The following CFAP65 variants were observed in gnomAD, a reference collection of about 807,000 sequenced individuals.
The protein encoded by CFAP65 is cilia- and flagella-associated protein 65.
In CFAP65, 155 loss-of-function variants were observed where a neutral mutation model predicts 208.0. The observed-to-expected ratio is 0.75, with a 90% CI of 0.65 to 0.85. CFAP65 has a LOEUF of 0.85. CFAP65 is among the 40% of genes least tolerant of loss of function. The pLI, the probability that CFAP65 is intolerant of heterozygous loss-of-function variation, is 0.00. For synonymous variants in CFAP65, 970 were observed against 986.3 expected, an observed-to-expected ratio of 0.98 and a Z score of 0.31; for missense variants, 2,294 against 2,451.3, an observed-to-expected ratio of 0.94 and a Z score of 1.36.
intron 14 of CFAP65, 127 bp downstream of exon 14, chr2:219,025,895 G>T: frequency 8.3e-7 from 1 of 1,198,490 alleles, no homozygotes; most frequent in Non-Finnish European, 1.2e-6. Flanking sequence ...AGCGGACGTG[G>T]GGACAGCCAG....
rs374849814 is a variant in CFAP65 at position 219,035,462 on chromosome 2, G to A, written c.542+18C>T. 150 of 1,613,994 alleles carry A rather than the reference G, an allele frequency of 9.3e-5. No homozygotes were observed. The highest frequency in any genetic ancestry group is 1.6e-4 in the Middle Eastern group (1 of 6,084). On this transcript the variant is annotated intron_variant, in intron 5 of 34. Transcript: ENST00000341552. ...CTCAAGGCTGTGGCACTGGGTCCTT[G>A]ATCCCTTATACTGGTACCTGTACTT... is the stretch of plus-strand genomic sequence containing the variant.
chr2:219,020,400 T>C (rs1947196063), intron 19 of CFAP65, among the ~76,000 whole-genome samples: 1 of 152,162 alleles, frequency 6.6e-6, no homozygotes. Context: ...ATTTTTGAGA[T>C]AGGGTCTCAC....
chr2:219,027,755 G>C lies in CFAP65; in HGVS notation c.2106C>G (p.Ser702Arg), dbSNP rs1276072685. Residue 702 changes from serine (S) to arginine (R), a missense_variant, in exon 13 of 35, where the codon AGC becomes AGG. Physicochemically the swap from Ser to Arg is moderately radical, Grantham distance 110. Around this residue, in one of 2 missense-constraint regions of CFAP65, gnomAD observed 867 missense variants for 1,012.6 expected, o/e 0.86. Transcript: ENST00000341552. ...SDCPFWVTPE[S>R]CDVPPLKSMA... Reference sequence around the variant, plus strand: ...TGGACTTGAGTGGGGGCACGTCGCAGCTCTCTGGAGTCACCCAGAAGGGGC... The same window carrying C: ...TGGACTTGAGTGGGGGCACGTCGCACCTCTCTGGAGTCACCCAGAAGGGGC... 2 of 1,614,006 alleles carry C rather than the reference G, an allele frequency of 1.2e-6. No individual in the cohort carries two copies. Among genetic ancestry groups the C allele is most frequent in the Non-Finnish European group, 1.7e-6 (2 of 1,180,036 alleles).
chr2:219,016,289 C>CTTTTTTT (rs5838714), intron 21 of CFAP65, among the ~76,000 whole-genome samples: 9 of 85,574 alleles, frequency 1.1e-4, no homozygotes, highest in East Asian at 7.8e-4. Context: ...AGTCTCCCTC[C>CTTTTTTT]TTTTTTTTTT....
At position 219,028,278 on chromosome 2, in the gene CFAP65, G is replaced by C. The variant is rs752543705; in HGVS notation, c.1774C>G (p.Pro592Ala). The change falls in exon 12 of 35, where the codon CCT (proline) becomes GCT (alanine). Residue 592 changes from proline (P) to alanine (A), a missense_variant. By Grantham distance (27) the Pro-to-Ala change is conservative. Coordinates refer to ENST00000341552, the MANE Select transcript of CFAP65 (RefSeq NM_194302.4). ...TTCAGCATGGCATCCAGGATGTCAG[G>C]GGGGTAGAGCGTCAGGCCCCGGGCC... Reference protein sequence around the residue: ...HLARGLTLYPPDILDAMLKEK... With the variant: ...HLARGLTLYPADILDAMLKEK... The C allele has an allele frequency of 1.9e-6, 3 of 1,614,148 alleles. No homozygotes were observed. Among genetic ancestry groups the C allele is most frequent in the Middle Eastern group, 3.3e-4 (2 of 6,060 alleles).
At chr2:219,033,029 TG>T (rs1367025241) in intron 5 of CFAP65, among the ~76,000 whole-genome samples, 1 of 152,096 alleles carries the variant, frequency 6.6e-6, no homozygotes, top group African/African-American at 2.4e-5. Flanking sequence ...ACAATGACAT[TG>T]TCAGCAACTT....
Position 219,003,791 on chromosome 2 carries a change from A to G in CFAP65, c.5555+161T>C, listed in dbSNP as rs1945747026. ...AAAGTTCAGTGTTGGTGCCGGGCGGATACTCCCACAGAGGCCTTAAGCTAC... is the reference window on the plus strand; with the variant it reads ...AAAGTTCAGTGTTGGTGCCGGGCGGGTACTCCCACAGAGGCCTTAAGCTAC... On this transcript the variant is annotated intron_variant, in intron 33 of 34. Transcript: ENST00000341552. The surrounding 1 kb of genome is among the most constrained non-coding windows in gnomAD (Gnocchi z 4.4). Among the ~76,000 whole-genome samples the G allele has an allele frequency of 6.6e-6, 1 of 152,208 alleles. No individual in the cohort carries two copies. The highest frequency in any genetic ancestry group is 2.4e-5 in the African/African-American group (1 of 41,452).
chr2:219,020,273 C>T (rs1000273905), intron 19 of CFAP65, among the ~76,000 whole-genome samples: 1 of 152,200 alleles, frequency 6.6e-6, no homozygotes, highest in African/African-American at 2.4e-5. Flanking sequence ...GCCTCTTTCA[C>T]TTAGCATAAT....
Position 219,009,333 on chromosome 2 carries a change from G to A in CFAP65, c.4566+14C>T, listed in dbSNP as rs1356567468. 2 of 1,597,742 alleles carry A rather than the reference G, an allele frequency of 1.3e-6. No homozygotes were observed. The highest frequency in any genetic ancestry group is 1.3e-5 in the African/African-American group (1 of 74,590). On this transcript the variant is annotated intron_variant, in intron 28 of 34. Coordinates refer to ENST00000341552, the MANE Select transcript of CFAP65 (RefSeq NM_194302.4). ...ATGCCTCCATCCCACTTTACCCCTG[G>A]GGCTGGTTCCTACCTTGCATACCAG...
In CFAP65 at chr2:219,021,842, G is replaced by A; in HGVS notation, c.3068C>T (p.Thr1023Ile). ...FLVLLNDGNC[T>I]LYYRLYLEQG... ...CTCCAGGTAGAGGCGGTAATAGAGG[G>A]TGCAGTTGCCGTCATTCAGGAGGAC... Residue 1023 changes from threonine to isoleucine, a missense_variant, in exon 18 of 35, where the codon ACC (threonine) becomes ATC (isoleucine). Transcript: ENST00000341552. The A allele has an allele frequency of 1.2e-6, 2 of 1,613,820 alleles. No individual in the cohort carries two copies. The highest frequency in any genetic ancestry group is 1.7e-6 in the Non-Finnish European group (2 of 1,180,010).
rs1174828538 is a variant in CFAP65 at position 219,025,622 on chromosome 2, G to T, written c.2349+400C>A. Among the ~76,000 whole-genome samples the T allele has an allele frequency of 3.3e-5, 5 of 152,276 alleles. No homozygotes were observed. In the East Asian group the frequency reaches 9.7e-4, roughly 29 times the overall value. Reference sequence around the variant, plus strand: ...CTGGCTCTGCCTCTCATAGGGCAGGGTGCTTCCCAAAGGCAGGGGCTGCTG... The same window carrying T: ...CTGGCTCTGCCTCTCATAGGGCAGGTTGCTTCCCAAAGGCAGGGGCTGCTG... On this transcript the variant is annotated intron_variant, in intron 14 of 34. Transcript: ENST00000341552.
chr2:219,003,808 T>G lies in CFAP65; in HGVS notation c.5555+144A>C. The G allele has an allele frequency of 1.0e-6, 1 of 986,146 alleles. No individual in the cohort carries two copies. The highest frequency in any genetic ancestry group is 1.5e-6 in the Non-Finnish European group (1 of 664,114). The allele number at this position is 986,146 out of a possible 1,614,324, so 61.1% of individuals were successfully genotyped here. A position where few individuals can be genotyped will look rare whatever the true frequency, so the allele number is the denominator to read the frequency against. ...CCGGGCGGATACTCCCACAGAGGCC[T>G]TAAGCTACCAACATGACCTCACTAA... On this transcript the variant is annotated intron_variant, in intron 33 of 34. Coordinates refer to ENST00000341552, the MANE Select transcript of CFAP65 (RefSeq NM_194302.4). The surrounding 1 kb of genome is among the most constrained non-coding windows in gnomAD (Gnocchi z 4.4).
Position 219,038,922 on chromosome 2 carries a change from G to C in CFAP65, c.127C>G (p.Gln43Glu), listed in dbSNP as rs1466047134. 1.2e-6 allele frequency: 2 copies of C among 1,611,904 alleles called. No individual in the cohort carries two copies. Among genetic ancestry groups the C allele is most frequent in the Non-Finnish European group, 8.5e-7 (1 of 1,179,118 alleles). The part of the protein sequence containing the change: ...LLRGKSVQKK[Q>E]AESKSQIKLH... The stretch of plus-strand genomic sequence containing the variant: ...TTTATCTGGCTTTTACTCTCTGCTT[G>C]TTTCTTCTGAACACTCTTGCCTCTT... The change falls in exon 3 of 35, where the codon CAA (glutamine) becomes GAA (glutamate). Residue 43 changes from glutamine (Q) to glutamate (E), a missense_variant. Gln to Glu is a conservative substitution (Grantham distance 29). Transcript: ENST00000341552.
chr2:219,006,833 C>CAA (rs752764154), intron 29 of CFAP65, among the ~76,000 whole-genome samples: 1,067 of 76,364 alleles, frequency 0.014, 15 homozygotes, highest in African/African-American at 0.029. Context: ...GACTCTGTCT[C>CAA]AAAAAAAAAA....
At position 219,031,425 on chromosome 2, in the gene CFAP65, C is replaced by T. The variant is rs1287410972; in HGVS notation, c.815+64G>A. On this transcript the variant is annotated intron_variant, in intron 7 of 34. Coordinates refer to ENST00000341552, the MANE Select transcript of CFAP65 (RefSeq NM_194302.4). This position sits in a 1 kb window ranked among gnomAD's most constrained non-coding sequence, Gnocchi z 5.2. ...CCCCGACAAGGGTATGCCTGTCTCT[C>T]CTGCTTCCAGACACCCTCCTCACAG... 1.9e-5 allele frequency: 30 copies of T among 1,607,534 alleles called. No individual in the cohort carries two copies.
rs745648300 is a variant in CFAP65, at chr2:219,029,981, G to A, written c.1384+5C>T. ...CCCAGGGGAGGCCCCTGGGGTCACC[G>A]GTACCTCTACAGAAACCAACGACTT... On this transcript the variant is annotated splice_donor_5th_base_variant and intron_variant, in intron 10 of 34. Transcript: ENST00000341552. The A allele has an allele frequency of 3.7e-6, 6 of 1,613,334 alleles. No homozygotes were observed. The highest frequency in any genetic ancestry group is 2.2e-5 in the East Asian group (1 of 44,822).
In CFAP65 at chr2:219,019,460, A is replaced by G. The variant is rs528434653; in HGVS notation, c.3473+46T>C. The stretch of plus-strand genomic sequence containing the variant: ...CAGAAAGCTCCATGAACATCCCTAG[A>G]TAGGCCCTGCCCCCAGCCCCCACCC... On this transcript the variant is annotated intron_variant, in intron 20 of 34. Transcript: ENST00000341552. 2.7e-6 allele frequency: 4 copies of G among 1,505,992 alleles called. No individual in the cohort carries two copies. In the African/African-American group the frequency reaches 5.5e-5, roughly 21 times the overall value. The allele number at this position is 1,505,992 out of a possible 1,614,324, so 93.3% of individuals were successfully genotyped here.
rs1329488462 is a variant in CFAP65 at position 219,022,180 on chromosome 2, G to A, written c.2970C>T (p.Ser990=). The change falls in exon 17 of 35, where the codon AGC becomes AGT. Residue 990 remains serine, a synonymous_variant. Coordinates refer to ENST00000341552, the MANE Select transcript of CFAP65 (RefSeq NM_194302.4). The part of the protein sequence containing the change: ...MLRLVGVGLT[S]SLSAKEKELA... ...GAGCCCTCCCACTCACAGAGAGGCTGCTGGTGAGCCCAACGCCCACCAGCC... is the reference window on the plus strand; with the variant it reads ...GAGCCCTCCCACTCACAGAGAGGCTACTGGTGAGCCCAACGCCCACCAGCC... 3.8e-6 allele frequency: 6 copies of A among 1,596,502 alleles called. No individual in the cohort carries two copies. The South Asian group carries it at 5.6e-5, about 15-fold the overall frequency.
Position 219,021,815 on chromosome 2 carries a change from T to G in CFAP65, c.3095A>C (p.Gln1032Pro), listed in dbSNP as rs1947282522. 6.2e-7 allele frequency: 1 copy of G among 1,613,684 alleles called. No individual in the cohort carries two copies. Reference sequence around the variant, plus strand: ...GTTGTCAACGGCCTCAGGGCTGCCCTGCTCCAGGTAGAGGCGGTAATAGAG... The same window carrying G: ...GTTGTCAACGGCCTCAGGGCTGCCCGGCTCCAGGTAGAGGCGGTAATAGAG... The part of the protein sequence containing the change: ...CTLYYRLYLE[Q>P]GSPEAVDNHP... The change falls in exon 18 of 35, where the codon CAG becomes CCG. Residue 1032 changes from glutamine to proline, a missense_variant. Transcript: ENST00000341552.
Sources: gnomAD v4.1 joint callset for allele counts (sites outside exome capture counted in the v4.1 genomes callset) on GRCh38, gnomAD v4.1.1 for gene constraint, gnomAD v4.1.1 regional missense constraint, Gnocchi (gnomAD v3.1) non-coding constraint, MANE v1.5 for transcripts, NCBI Gene and HGNC (gene_info 2026-07-23, HGNC 2026-07-21) for gene names.